CLEC16A: variants seen among roughly 807,000 people sequenced by gnomAD.
The protein encoded by CLEC16A is protein CLEC16A.
CLEC16A carries 51 observed loss-of-function variants against 109.5 expected under a neutral mutation model. The observed-to-expected ratio is 0.47, with a 90% CI of 0.37 to 0.59. The LOEUF (loss-of-function observed/expected upper bound fraction) is 0.59. CLEC16A is among the 20% of genes least tolerant of loss of function. The pLI, the probability that CLEC16A is intolerant of heterozygous loss-of-function variation, is 0.00. For missense variants in CLEC16A, 1,339 were observed against 1,394.0 expected (o/e 0.96, Z 0.63); for synonymous variants, 673 against 564.2 (o/e 1.19, Z -2.73).
chr16:11,040,460 G>C (rs544315535), intron 14 of CLEC16A: 1 of 151,992 alleles, frequency 6.6e-6, no homozygotes, highest in East Asian at 1.9e-4. Context: ...GTCATCCCTG[G>C]GGCTTGTATT....
At chr16:11,035,045 T>C (rs1038450626) in intron 13 of CLEC16A, among the ~76,000 whole-genome samples, 1 of 152,198 alleles carries the variant, frequency 6.6e-6, no homozygotes, top group African/African-American at 2.4e-5. Flanking sequence ...AGCCACCAGG[T>C]TGTTTCAGGC....
chr16:11,038,655 AG>A (rs2047156403), intron 13 of CLEC16A, among the ~76,000 whole-genome samples: 1 of 152,112 alleles, frequency 6.6e-6, no homozygotes, highest in Non-Finnish European at 1.5e-5. Context: ...AAATGCTGTT[AG>A]TTTTGGCAGG....
intron 15 of CLEC16A, 60 bp downstream of exon 15, chr16:11,042,423 G>A (rs1295785822): frequency 5.9e-6 from 8 of 1,358,850 alleles, no homozygotes; most frequent in Non-Finnish European, 8.1e-6. Flanking sequence ...GAGGACAGGA[G>A]GGAAGCTGCT....
chr16:11,162,188 A>G (rs1359884722), intron 22 of CLEC16A, among the ~76,000 whole-genome samples: 1 of 152,268 alleles, frequency 6.6e-6, no homozygotes, highest in Non-Finnish European at 1.5e-5. Context: ...CCAGAGGGCA[A>G]CAGGAAGACT....
At chr16:11,111,937 G>A (rs1038165538) in intron 19 of CLEC16A, among the ~76,000 whole-genome samples, 9 of 152,162 alleles carry the variant, frequency 5.9e-5, no homozygotes, top group Non-Finnish European at 1.0e-4. Context: ...ATTTACTCTC[G>A]CATGTGCGTA....
At chr16:10,957,710 G>C (rs1465795804) in intron 1 of CLEC16A, 72 bp from the exon 2 acceptor site, 1 of 1,498,898 alleles carries the variant, frequency 6.7e-7, no homozygotes, top group Non-Finnish European at 9.3e-7. Flanking sequence ...CCAAAATATT[G>C]CTAATGGTCA....
chr16:11,135,793 A>G (rs181400517), intron 22 of CLEC16A, among the ~76,000 whole-genome samples: 162 of 152,386 alleles, frequency 1.1e-3, no homozygotes, highest in African/African-American at 3.6e-3. Context: ...CCGGCAGCAC[A>G]GCACAGGCCA....
chr16:10,946,681 C>T (rs2041394502), intron 1 of CLEC16A, among the ~76,000 whole-genome samples: 1 of 152,214 alleles, frequency 6.6e-6, no homozygotes, highest in African/African-American at 2.4e-5. Flanking sequence ...CTCTGCTTAA[C>T]TCTAGCCCTT....
chr16:11,076,613 G>A (rs1258594378), intron 19 of CLEC16A, among the ~76,000 whole-genome samples: 2 of 152,220 alleles, frequency 1.3e-5, no homozygotes, highest in African/African-American at 2.4e-5. Flanking sequence ...CAGGCCTCAG[G>A]AGGGGAGGGT....
intron 11 of CLEC16A, among the ~76,000 whole-genome samples, chr16:11,012,782 A>G (rs2045514079): frequency 6.6e-6 from 1 of 152,216 alleles, no homozygotes; most frequent in Non-Finnish European, 1.5e-5. Flanking sequence ...TTCAAAACCA[A>G]TCACAAATCT....
At chr16:11,141,219 A>G (rs2053810875) in intron 22 of CLEC16A, among the ~76,000 whole-genome samples, 1 of 152,244 alleles carries the variant, frequency 6.6e-6, no homozygotes, top group South Asian at 2.1e-4. Flanking sequence ...CCATATGGAC[A>G]GCACCAGGCA....
chr16:11,071,349 G>A (rs946817406), intron 19 of CLEC16A, among the ~76,000 whole-genome samples: 8 of 152,038 alleles, frequency 5.3e-5, no homozygotes, highest in Non-Finnish European at 7.4e-5. Context: ...TCCAGAATAC[G>A]GAACATTCTA....
Position 11,051,587 on chromosome 16 carries a change from G to A in CLEC16A, c.1941G>A (p.Thr647=), listed in dbSNP as rs1414530636. 8.7e-6 allele frequency: 14 copies of A among 1,613,918 alleles called. No individual in the cohort carries two copies. Among genetic ancestry groups the A allele is most frequent in the Admixed American group, 1.7e-5 (1 of 60,010 alleles). Residue 647 remains threonine, a synonymous_variant, in exon 18 of 24, where the codon ACG becomes ACA. Transcript: ENST00000409790. ...TGCCCCCAACAGGCACGCCACTGAC[G>A]GGCATTGACTTCGTGAAGCGGCTGC... ...ILLPPTGTPL[T]GIDFVKRLPC...
Position 11,120,777 on chromosome 16 carries a change from C to T in CLEC16A, c.2268+11C>T, listed in dbSNP as rs1308514889. 1 of 1,512,972 alleles carries T rather than the reference C, an allele frequency of 6.6e-7. No individual in the cohort carries two copies. Among genetic ancestry groups the T allele is most frequent in the Non-Finnish European group, 8.9e-7 (1 of 1,123,086 alleles). 93.7% of individuals were successfully genotyped at this position (1,512,972 alleles called of 1,614,324 possible). ...GCAGGCCTATTGCAGGTAAGATGGC[C>T]AGGAGCTCTGGGATCTGTTCTCAGT... On this transcript the variant is annotated intron_variant, in intron 20 of 23. Transcript: ENST00000409790.
chr16:11,151,697 C>A (rs1280589592), intron 22 of CLEC16A, among the ~76,000 whole-genome samples: 1 of 152,234 alleles, frequency 6.6e-6, no homozygotes, highest in African/African-American at 2.4e-5. Context: ...GGGCAGCTTG[C>A]CAAGGGAGCC....
At chr16:10,956,891 G>C (rs924236173) in intron 1 of CLEC16A, among the ~76,000 whole-genome samples, 2 of 152,130 alleles carry the variant, frequency 1.3e-5, no homozygotes, top group Admixed American at 6.5e-5. Flanking sequence ...CCACCTCCCA[G>C]GTTCAAGCAA....
intron 17 of CLEC16A, among the ~76,000 whole-genome samples, chr16:11,049,458 A>G (rs1345762696): frequency 2.0e-5 from 3 of 150,850 alleles, no homozygotes; most frequent in African/African-American, 7.4e-5. Flanking sequence ...CCCTCCCACC[A>G]TGGGGAGCTT....
At chr16:11,018,698 G>A (rs1478154436) in intron 11 of CLEC16A, among the ~76,000 whole-genome samples, 1 of 142,578 alleles carries the variant, frequency 7.0e-6, no homozygotes, top group African/African-American at 2.7e-5. Context: ...GCAGTGAGCC[G>A]AGATCATGCT....
intron 19 of CLEC16A, among the ~76,000 whole-genome samples, chr16:11,082,538 G>C (rs1251982532): frequency 3.3e-5 from 5 of 152,180 alleles, no homozygotes; most frequent in African/African-American, 1.2e-4. Flanking sequence ...ATCCCAGTGG[G>C]TTTACTGGTG....
Sources: allele counts gnomAD v4.1 joint callset (sites outside exome capture counted in the v4.1 genomes callset), GRCh38; gene constraint gnomAD v4.1.1; transcripts MANE v1.5; gene names NCBI Gene and HGNC (gene_info 2026-07-23, HGNC 2026-07-21).